The following PPA2 variants were observed in gnomAD, a reference collection of about 807,000 sequenced individuals.
PPA2 encodes inorganic pyrophosphatase 2, mitochondrial.
In PPA2, 48 loss-of-function variants were observed where a neutral mutation model predicts 49.5. The ratio of observed to expected loss-of-function variants is 0.97; its 90% CI spans 0.77 to 1.23. PPA2 has a LOEUF of 1.23. Among genes scored for constraint, PPA2 ranks in the 50% most tolerant of loss-of-function variants. The pLI is 0.00. For missense variants in PPA2, 429 were observed against 410.1 expected, an observed-to-expected ratio of 1.05 and a Z score of -0.40; for synonymous variants, 131 against 139.9, an observed-to-expected ratio of 0.94 and a Z score of 0.45.
chr4:105,446,636 A>T, intron 4 of PPA2, 134 bp from the exon 5 acceptor site: 1 of 1,119,582 alleles, frequency 8.9e-7, no homozygotes, highest in Non-Finnish European at 1.2e-6. Flanking sequence ...AAGATGCTTT[A>T]AAAGAAATTA....
chr4:105,373,038 T>C (rs145399201), intron 10 of PPA2, among the ~76,000 whole-genome samples: 275 of 152,350 alleles, frequency 1.8e-3, no homozygotes, highest in African/African-American at 6.1e-3. Context: ...GGAGTCTCGC[T>C]AAGTTGCCCA....
intron 3 of PPA2, among the ~76,000 whole-genome samples, chr4:105,450,693 C>T (rs1021683722): frequency 4.7e-5 from 7 of 148,908 alleles, no homozygotes; most frequent in East Asian, 4.0e-4. Flanking sequence ...CTGCAAGATC[C>T]GCCTCCCGGG....
Position 105,433,927 on chromosome 4 carries a change from C to T in PPA2, c.528+4023G>A, listed in dbSNP as rs534944224. Among the ~76,000 whole-genome samples, 58 of 152,326 alleles carry T rather than the reference C, an allele frequency of 3.8e-4. 1 individual carries two copies. The South Asian group carries it at 0.012, about 30-fold the overall frequency. ...AATTTTACAACTGCATATGTAATTG[C>T]TAACTTATACAGGCTGGATCATATT... On this transcript the variant is annotated intron_variant, in intron 6 of 11. Coordinates refer to ENST00000341695, the MANE Select transcript of PPA2 (RefSeq NM_176869.3).
intron 10 of PPA2, among the ~76,000 whole-genome samples, chr4:105,380,690 C>T (rs760330017): frequency 6.6e-6 from 1 of 151,978 alleles, no homozygotes; most frequent in African/African-American, 2.4e-5. Flanking sequence ...CTGAAATTGA[C>T]GTTTACTTTT....
At chr4:105,399,722 G>C (rs1734284180) in intron 7 of PPA2, 1 of 152,338 alleles carries the variant, frequency 6.6e-6, no homozygotes, top group Non-Finnish European at 1.5e-5. Flanking sequence ...AGGAGGCAGG[G>C]GAGAGGGAGG....
chr4:105,449,319 T>C, intron 4 of PPA2, 31 bp downstream of exon 4: 2 of 1,388,766 alleles, frequency 1.4e-6, no homozygotes, highest in Non-Finnish European at 2.0e-6. Context: ...TATAATCATT[T>C]CGGTTTCATA....
chr4:105,441,642 A>G (rs1724365443), intron 5 of PPA2, among the ~76,000 whole-genome samples: 1 of 152,178 alleles, frequency 6.6e-6, no homozygotes, highest in Non-Finnish European at 1.5e-5. Context: ...TATATTTACT[A>G]TCTATACAGA....
intron 7 of PPA2, among the ~76,000 whole-genome samples, chr4:105,406,628 C>G (rs1722486924): frequency 6.6e-6 from 1 of 152,170 alleles, no homozygotes; most frequent in South Asian, 2.1e-4. Context: ...TCCAGGACCA[C>G]CACCTGCTCC....
At chr4:105,391,036 G>A (rs34487220) in intron 9 of PPA2, among the ~76,000 whole-genome samples, 64,144 of 151,608 alleles carry the variant, frequency 0.42, 14,150 homozygotes, top group East Asian at 0.68. Flanking sequence ...TCCTTTGCAG[G>A]GACATGGATG....
intron 9 of PPA2, among the ~76,000 whole-genome samples, chr4:105,391,643 G>A (rs549615687): frequency 1.7e-4 from 26 of 152,118 alleles, no homozygotes; most frequent in Non-Finnish European, 2.4e-4. Flanking sequence ...ACTGCTTCTC[G>A]AAAAAATGAA....
At chr4:105,371,492 A>T (rs113382208) in intron 10 of PPA2, among the ~76,000 whole-genome samples, 3,011 of 152,254 alleles carry the variant, frequency 0.02, 48 homozygotes, top group Middle Eastern at 0.058. Context: ...CATCTATGTG[A>T]CCACCATCCA....
In PPA2 at chr4:105,474,022, G is replaced by T. The variant is rs764640799; in HGVS notation, c.29C>A (p.Thr10Lys). The change falls in exon 1 of 12, where the codon ACG becomes AAG. Residue 10 changes from threonine to lysine, a missense_variant. Physicochemically the swap from Thr to Lys is moderately conservative, Grantham distance 78. Coordinates refer to ENST00000341695, the MANE Select transcript of PPA2 (RefSeq NM_176869.3). ...CAGGCACGCAGCGGCTGGGGCACCC[G>T]TGCGCAGCAGCCGCAGCAGCGCGCT... is the stretch of plus-strand genomic sequence containing the variant. MSALLRLLR[T>K]GAPAAACLRL... 6.3e-7 allele frequency: 1 copy of T among 1,599,216 alleles called. No homozygotes were observed. The highest frequency in any genetic ancestry group is 8.5e-7 in the Non-Finnish European group (1 of 1,173,442).
At chr4:105,445,242 C>G (rs773267789) in intron 5 of PPA2, among the ~76,000 whole-genome samples, 1 of 152,158 alleles carries the variant, frequency 6.6e-6, no homozygotes, top group South Asian at 2.1e-4. Flanking sequence ...TTCAGCATTA[C>G]CCTCATCCAC....
At chr4:105,388,454 G>C (rs1405502854) in intron 9 of PPA2, among the ~76,000 whole-genome samples, 1 of 152,074 alleles carries the variant, frequency 6.6e-6, no homozygotes, top group African/African-American at 2.4e-5. Context: ...AAATATCTCT[G>C]ATAAAATGTC....
intron 6 of PPA2, among the ~76,000 whole-genome samples, chr4:105,437,640 T>C (rs573327658): frequency 2.6e-5 from 4 of 152,326 alleles, no homozygotes; most frequent in South Asian, 2.1e-4. Context: ...TTGTAGACTA[T>C]ACAATCTCTG....
chr4:105,469,564 A>G (rs1045348437), intron 1 of PPA2, among the ~76,000 whole-genome samples: 2 of 152,248 alleles, frequency 1.3e-5, no homozygotes, highest in African/African-American at 4.8e-5. Context: ...AGCTTCAGCA[A>G]TGACTAAAGC....
At chr4:105,412,403 T>C (rs4519798) in intron 7 of PPA2, among the ~76,000 whole-genome samples, 27,690 of 151,956 alleles carry the variant, frequency 0.18, 2,902 homozygotes, top group African/African-American at 0.28. Flanking sequence ...ACCTAGGCAA[T>C]ACCATTCAGG....
chr4:105,473,840 C>A, intron 1 of PPA2, 54 bp downstream of exon 1: 2 of 1,559,900 alleles, frequency 1.3e-6, no homozygotes, highest in South Asian at 1.2e-5. Flanking sequence ...CCATTCCATC[C>A]CCCACCCAGG....
chr4:105,376,756 G>C (rs1348436327), intron 10 of PPA2, among the ~76,000 whole-genome samples: 1 of 152,144 alleles, frequency 6.6e-6, no homozygotes, highest in Non-Finnish European at 1.5e-5. Flanking sequence ...AATCCCTGGA[G>C]TTAGGCTGTG....
Sources: gnomAD v4.1 joint callset for allele counts (sites outside exome capture counted in the v4.1 genomes callset) on GRCh38, gnomAD v4.1.1 for gene constraint, MANE v1.5 for transcripts, NCBI Gene and HGNC (gene_info 2026-07-23, HGNC 2026-07-21) for gene names.